Variants in RBFOX1 observed in about 807,000 individuals in gnomAD.
RBFOX1 encodes RNA binding fox-1 homolog 1, also known as RNA binding protein fox-1 homolog 1.
A neutral mutation model predicts 57.7 loss-of-function variants in RBFOX1; 8 were observed. The ratio of observed to expected loss-of-function variants is 0.14; its 90% confidence interval spans 0.08 to 0.25. The LOEUF is 0.25. Among genes scored for constraint, RBFOX1 ranks in the 10% least tolerant of loss-of-function variants. The pLI, the probability that RBFOX1 is intolerant of heterozygous loss-of-function variation, is 1.00. For synonymous variants in RBFOX1, 326 were observed against 222.4 expected, an observed-to-expected ratio of 1.47 and a Z score of -4.15; for missense variants, 611 against 548.5, an observed-to-expected ratio of 1.11 and a Z score of -1.14.
chr16:7,145,430 C>G (rs1024848454), intron 4 of RBFOX1, among the ~76,000 whole-genome samples: 4 of 152,168 alleles, frequency 2.6e-5, no homozygotes, highest in African/African-American at 4.8e-5. Flanking sequence ...TGGTCTTGAA[C>G]TCCTGACTTG....
intron 4 of RBFOX1, among the ~76,000 whole-genome samples, chr16:7,396,218 G>A (rs1045806436): frequency 6.6e-6 from 1 of 152,144 alleles, no homozygotes; most frequent in African/African-American, 2.4e-5. Context: ...GTCTCCAAGA[G>A]CAAGGCTGTG....
At chr16:6,346,158 G>A (rs903584325) in intron 2 of RBFOX1, among the ~76,000 whole-genome samples, 6 of 152,078 alleles carry the variant, frequency 3.9e-5, no homozygotes, top group Admixed American at 3.3e-4. Flanking sequence ...TAGTAATTTG[G>A]GGGGCCCAAG....
At chr16:5,486,019 C>T (rs957751071) in intron 2 of RBFOX1, among the ~76,000 whole-genome samples, 20 of 152,188 alleles carry the variant, frequency 1.3e-4, no homozygotes, top group Non-Finnish European at 1.8e-4. Flanking sequence ...GGTATGAGCT[C>T]GCCTCCTCTC....
intron 1 of RBFOX1, among the ~76,000 whole-genome samples, chr16:5,273,762 C>T (rs1469748916): frequency 2.0e-5 from 3 of 151,956 alleles, no homozygotes; most frequent in Non-Finnish European, 2.9e-5. Flanking sequence ...TAGCAGATGG[C>T]CCAAAAAAGG....
chr16:7,225,170 A>T (rs2093013203), intron 4 of RBFOX1, among the ~76,000 whole-genome samples: 1 of 152,224 alleles, frequency 6.6e-6, no homozygotes, highest in Non-Finnish European at 1.5e-5. Context: ...ACCCTAGGAC[A>T]GGAAGCATGA....
In RBFOX1 at chr16:5,355,329, C is replaced by T. The variant is rs568010666; in HGVS notation, c.220-111887C>T. ...GTGGCAGGACGCAGGGACTATGGGC[C>T]GGGAGAGATGAGGAAGGAGCAATTT... On this transcript the variant is annotated intron_variant, in intron 1 of 2. Coordinates refer to the RBFOX1 transcript ENST00000585867. Among the ~76,000 whole-genome samples the T allele has an allele frequency of 2.4e-4, 36 of 152,200 alleles. No individual in the cohort carries two copies. In the East Asian group the frequency reaches 4.1e-3, roughly 17 times the overall value.
Position 6,724,954 on chromosome 16 carries a change from T to A in RBFOX1, c.-16+70304T>A, listed in dbSNP as rs746431945. ...TGTCATGGCAGTAGTGGGAGTGTCT[T>A]TTGGCATGCAAATGCATTACAAATA... is the stretch of plus-strand genomic sequence containing the variant. On this transcript the variant is annotated intron_variant, in intron 3 of 15. Transcript: ENST00000550418. Among the ~76,000 whole-genome samples, 36 of 152,114 alleles carry A rather than the reference T, an allele frequency of 2.4e-4. 1 individual carries two copies. Among genetic ancestry groups the A allele is most frequent in the Admixed American group, 5.2e-4 (8 of 15,260 alleles).
chr16:6,870,834 C>T (rs935084072), intron 3 of RBFOX1, among the ~76,000 whole-genome samples: 7 of 152,218 alleles, frequency 4.6e-5, no homozygotes, highest in South Asian at 2.1e-4. Flanking sequence ...GACTTCTTGT[C>T]GCTCTGAGAT....
At chr16:7,628,207 G>A (rs1042411950) in intron 10 of RBFOX1, among the ~76,000 whole-genome samples, 5 of 152,076 alleles carry the variant, frequency 3.3e-5, no homozygotes, top group Non-Finnish European at 5.9e-5. Flanking sequence ...AAACTTCATA[G>A]CTGATTTTAA....
chr16:7,159,485 G>A (rs923763605), intron 4 of RBFOX1, among the ~76,000 whole-genome samples: 5 of 152,146 alleles, frequency 3.3e-5, no homozygotes, highest in African/African-American at 1.2e-4. Context: ...TGTCACTAAG[G>A]GGACTAGTGA....
At chr16:7,573,237 T>TG (rs2092973573) in intron 5 of RBFOX1, among the ~76,000 whole-genome samples, 1 of 151,408 alleles carries the variant, frequency 6.6e-6, no homozygotes, top group Admixed American at 6.6e-5. Flanking sequence ...AGACCAAAGA[T>TG]GGGGTCAGGA....
chr16:6,211,872 CAG>C (rs989379071), intron 1 of RBFOX1, among the ~76,000 whole-genome samples: 29 of 139,066 alleles, frequency 2.1e-4, no homozygotes, highest in African/African-American at 7.6e-4. Context: ...TTATTTTTAA[CAG>C]AGTCTCGCTC....
chr16:6,450,771 A>ATATATATATATATACACATATATATATG (rs2094577218), intron 2 of RBFOX1, among the ~76,000 whole-genome samples: 1 of 36,760 alleles, frequency 2.7e-5, no homozygotes, highest in African/African-American at 1.8e-4. Flanking sequence ...ATATGTGTAT[A>ATATATATATATATACACATATATATATG]TATATATATA....
At chr16:6,898,949 A>G (rs1310820730) in intron 3 of RBFOX1, among the ~76,000 whole-genome samples, 2 of 151,544 alleles carry the variant, frequency 1.3e-5, no homozygotes, top group East Asian at 3.9e-4. Flanking sequence ...GTATATGTGT[A>G]TAATACATTG....
chr16:6,780,427 T>TATATTTATATAC, intron 3 of RBFOX1, among the ~76,000 whole-genome samples: 1 of 108,262 alleles, frequency 9.2e-6, no homozygotes, highest in Non-Finnish European at 1.7e-5. Context: ...TATTTATATA[T>TATATTTATATAC]ATTTATAGAT....
chr16:5,300,954 C>T (rs1029854991), intron 1 of RBFOX1, among the ~76,000 whole-genome samples: 10 of 152,098 alleles, frequency 6.6e-5, no homozygotes, highest in Non-Finnish European at 1.0e-4. Context: ...CGCTCTTGTC[C>T]TGATCATTCT....
intron 3 of RBFOX1, among the ~76,000 whole-genome samples, chr16:5,764,167 G>T (rs2053691300): frequency 6.6e-6 from 1 of 152,142 alleles, no homozygotes; most frequent in South Asian, 2.1e-4. Flanking sequence ...TAGGATGATT[G>T]CATTTGGGCT....
chr16:7,627,559 G>C (rs574683531), intron 10 of RBFOX1, among the ~76,000 whole-genome samples: 5 of 152,176 alleles, frequency 3.3e-5, no homozygotes, highest in African/African-American at 1.2e-4. Context: ...AGAAGATCCA[G>C]CTCAGTGGAC....
chr16:6,827,100 T>C (rs913100375), intron 3 of RBFOX1, among the ~76,000 whole-genome samples: 10 of 152,304 alleles, frequency 6.6e-5, no homozygotes, highest in African/African-American at 2.2e-4. Flanking sequence ...ACCGAGTCTC[T>C]TAGTGTCCTT....
Sources: allele counts gnomAD v4.1 joint callset (sites outside exome capture counted in the v4.1 genomes callset), GRCh38; gene constraint gnomAD v4.1.1; transcripts MANE v1.5; gene names NCBI Gene and HGNC (gene_info 2026-07-23, HGNC 2026-07-21).